ASH1L: variants seen among roughly 807,000 people sequenced by gnomAD.
The protein encoded by ASH1L is ASH1 like histone lysine methyltransferase, also known as histone-lysine N-methyltransferase ASH1L.
Under a neutral mutation model 269.0 loss-of-function variants are expected in ASH1L, and 23 were observed. The observed-to-expected ratio is 0.09, with a 90% confidence interval of 0.06 to 0.12. ASH1L has a LOEUF of 0.12. ASH1L is among the 10% of genes least tolerant of loss of function. ASH1L has a pLI of 1.00. For missense variants in ASH1L, 2,912 were observed against 3,567.8 expected, an observed-to-expected ratio of 0.82 and a Z score of 4.68; for synonymous variants, 1,187 against 1,253.5, an observed-to-expected ratio of 0.95 and a Z score of 1.12.
intron 4 of ASH1L, among the ~76,000 whole-genome samples, chr1:155,451,813 C>G (rs1305692670): frequency 6.6e-6 from 1 of 152,170 alleles, no homozygotes; most frequent in Non-Finnish European, 1.5e-5. Context: ...CCTCCGCCTC[C>G]AAGTTCATAC....
rs12021557 is a variant in ASH1L, at chr1:155,544,081, G to C, written c.-100+18072C>G. On this transcript the variant is annotated intron_variant, in intron 1 of 27. Transcript: ENST00000392403. ...GCTTACTGTACCCTCAAGCTACTGG[G>C]CTCAAGCAAGGGGTGTCTCACTATG... 0.061 allele frequency among the ~76,000 whole-genome samples: 9,249 copies of C among 151,912 alleles called. 1,565 individuals carry two copies. The East Asian group carries it at 0.68, about 11-fold the overall frequency.
At chr1:155,420,146 C>T (rs569884499) in intron 5 of ASH1L, among the ~76,000 whole-genome samples, 3 of 151,940 alleles carry the variant, frequency 2.0e-5, no homozygotes, top group Non-Finnish European at 4.4e-5. Context: ...GGTGAAACCC[C>T]GTCTCTACTT....
intron 4 of ASH1L, among the ~76,000 whole-genome samples, chr1:155,458,952 C>CTT (rs368224681): frequency 0.021 from 2,864 of 134,488 alleles, 102 homozygotes; most frequent in African/African-American, 0.071. Context: ...CATCCTCTCT[C>CTT]TTTTTTTTTT....
intron 2 of ASH1L, among the ~76,000 whole-genome samples, chr1:155,511,690 GA>G (rs1668171522): frequency 6.6e-6 from 1 of 152,142 alleles, no homozygotes; most frequent in Non-Finnish European, 1.5e-5. Flanking sequence ...ATTTTTAGTA[GA>G]GACAGAGTTT....
chr1:155,441,024 T>C (rs1662515349), intron 4 of ASH1L, among the ~76,000 whole-genome samples: 1 of 152,184 alleles, frequency 6.6e-6, no homozygotes, highest in Non-Finnish European at 1.5e-5. Flanking sequence ...TTCTGTCTTC[T>C]GTTAGTTTAA....
rs1665798776 is a variant in ASH1L, at chr1:155,479,429, C to G, written c.3441G>C (p.Gln1147His). 1.2e-6 allele frequency: 2 copies of G among 1,614,040 alleles called. No homozygotes were observed. Among genetic ancestry groups the G allele is most frequent in the African/African-American group, 1.3e-5 (1 of 74,906 alleles). ...HLHSRQGSMIQTLAMKKASKG... is the reference protein window; with the variant it reads ...HLHSRQGSMIHTLAMKKASKG... ...TTGAGGCCTTCTTCATTGCAAGAGT[C>G]TGAATCATACTGCCCTGTCTGGAGT... The change falls in exon 3 of 28, where the codon CAG (glutamine) becomes CAC (histidine). Residue 1147 changes from glutamine (Q) to histidine (H), a missense_variant. Gln to His is a conservative substitution (Grantham distance 24). Coordinates refer to ENST00000392403, the MANE Select transcript of ASH1L (RefSeq NM_018489.3).
At chr1:155,398,638 T>G (rs973956895) in intron 6 of ASH1L, among the ~76,000 whole-genome samples, 1 of 152,124 alleles carries the variant, frequency 6.6e-6, no homozygotes, top group African/African-American at 2.4e-5. Flanking sequence ...TACTGTACAT[T>G]GTACAAAAAA....
chr1:155,549,981 C>T (rs1255273909), intron 1 of ASH1L, among the ~76,000 whole-genome samples: 2 of 152,104 alleles, frequency 1.3e-5, no homozygotes, highest in Non-Finnish European at 2.9e-5. Context: ...CCCACCAGTA[C>T]ACTCAACACC....
rs556784321 is a variant in ASH1L, at chr1:155,433,530, T to TC, written c.5828+4796dup. On this transcript the variant is annotated intron_variant, in intron 5 of 27. Coordinates refer to ENST00000392403, the MANE Select transcript of ASH1L (RefSeq NM_018489.3). ...GGCACCTCCCTGGAGCCCTGCACCG[T>TC]CCCCCCTGGTGCCGTGAAACTGGAG... 4,810 of 1,609,430 alleles carry TC rather than the reference T, an allele frequency of 3.0e-3. 9 individuals are homozygous for TC. Among genetic ancestry groups the TC allele is most frequent in the Middle Eastern group, 4.4e-3 (26 of 5,972 alleles).
chr1:155,348,919 C>T (rs867701130), intron 19 of ASH1L, among the ~76,000 whole-genome samples: 5,199 of 148,022 alleles, frequency 0.035, 108 homozygotes, highest in Non-Finnish European at 0.043. Flanking sequence ...TATACACACA[C>T]ACACACACAC....
At chr1:155,511,967 C>T (rs1668188630) in intron 2 of ASH1L, among the ~76,000 whole-genome samples, 2 of 151,864 alleles carry the variant, frequency 1.3e-5, no homozygotes, top group Admixed American at 6.6e-5. Context: ...TGCACCACCA[C>T]GCCCGGCTAA....
At chr1:155,475,115 T>A (rs1004113622) in intron 3 of ASH1L, among the ~76,000 whole-genome samples, 3 of 152,170 alleles carry the variant, frequency 2.0e-5, no homozygotes. Context: ...CCTTCCCAAC[T>A]GAGAATCTTA....
intron 12 of ASH1L, among the ~76,000 whole-genome samples, chr1:155,365,165 T>C (rs1655296353): frequency 6.6e-6 from 1 of 152,018 alleles, no homozygotes; most frequent in Non-Finnish European, 1.5e-5. Flanking sequence ...CCAAAGGAAA[T>C]AGACTGCAAC....
At position 155,479,785 on chromosome 1, in the gene ASH1L, A is replaced by T. The variant is rs747340435; in HGVS notation, c.3085T>A (p.Phe1029Ile). The change falls in exon 3 of 28, where the codon TTT becomes ATT. Residue 1029 changes from phenylalanine to isoleucine, a missense_variant. Phe to Ile is a conservative substitution (Grantham distance 21). Coordinates refer to ENST00000392403, the MANE Select transcript of ASH1L (RefSeq NM_018489.3). ...ATCTGTTGGCCCAATTTAGAGCCAA[A>T]TGTGGCAGCAAGACTTGATACCGTA... ...HNTVSSLAATFGSKLGQQINV... is the reference protein window; with the variant it reads ...HNTVSSLAATIGSKLGQQINV... The T allele has an allele frequency of 1.2e-6, 2 of 1,614,184 alleles. No homozygotes were observed. Among genetic ancestry groups the T allele is most frequent in the South Asian group, 2.2e-5 (2 of 91,082 alleles).
chr1:155,458,265 T>C (rs1664012027), intron 4 of ASH1L, among the ~76,000 whole-genome samples: 1 of 152,218 alleles, frequency 6.6e-6, no homozygotes, highest in East Asian at 1.9e-4. Flanking sequence ...ACAAATACCA[T>C]ATTGATACAA....
intron 10 of ASH1L, among the ~76,000 whole-genome samples, chr1:155,373,233 CA>C (rs1240124843): frequency 1.4e-5 from 2 of 146,738 alleles, no homozygotes; most frequent in East Asian, 2.0e-4. Flanking sequence ...AAAAAAAAAA[CA>C]AAAAAAAACT....
chr1:155,494,932 A>AAGAGAG (rs139398189), intron 2 of ASH1L, among the ~76,000 whole-genome samples: 4 of 149,556 alleles, frequency 2.7e-5, no homozygotes, highest in East Asian at 3.9e-4. Context: ...AATAAGGAAA[A>AAGAGAG]AGAGAGAGAG....
intron 1 of ASH1L, among the ~76,000 whole-genome samples, chr1:155,549,609 A>G (rs1671060425): frequency 6.7e-6 from 1 of 149,602 alleles, no homozygotes; most frequent in Non-Finnish European, 1.5e-5. Flanking sequence ...TGGGTGACAG[A>G]GCAAGACTCA....
chr1:155,515,196 C>A (rs1668415885), intron 2 of ASH1L, among the ~76,000 whole-genome samples: 2 of 152,194 alleles, frequency 1.3e-5, no homozygotes, highest in African/African-American at 2.4e-5. Flanking sequence ...GAGCCCAATT[C>A]TTCTCCAGGA....
Sources: allele counts gnomAD v4.1 joint callset (sites outside exome capture counted in the v4.1 genomes callset), GRCh38; gene constraint gnomAD v4.1.1; transcripts MANE v1.5; gene names NCBI Gene and HGNC (gene_info 2026-07-23, HGNC 2026-07-21).